The following THUMPD2 variants were observed in gnomAD, a reference collection of about 807,000 sequenced individuals.
THUMPD2 encodes the protein THUMP domain 2 tRNA and snRNA guanosine methyltransferase, also known as U6 snRNA (guanine-N(2))-methyltransferase THUMPD2.
In THUMPD2, 56 loss-of-function variants were observed where a neutral mutation model predicts 49.4. The observed-to-expected ratio is 1.13, with a 90% CI of 0.91 to 1.41. The LOEUF (loss-of-function observed/expected upper bound fraction) is 1.41. THUMPD2 is among the 40% of genes most tolerant of loss of function. THUMPD2 has a pLI of 0.00. For synonymous variants in THUMPD2, 237 were observed against 205.2 expected, an observed-to-expected ratio of 1.15 and a Z score of -1.32; for missense variants, 709 against 594.5, an observed-to-expected ratio of 1.19 and a Z score of -2.00.
At chr2:39,765,541 A>G (rs566826829) in intron 5 of THUMPD2, among the ~76,000 whole-genome samples, 153 of 152,244 alleles carry the variant, frequency 1.0e-3, no homozygotes, top group Non-Finnish European at 2.0e-3. Context: ...ATAAATTTAA[A>G]AAAATATACA....
At chr2:39,773,575 AT>A (rs374405747) in intron 1 of THUMPD2, among the ~76,000 whole-genome samples, 2 of 32,612 alleles carry the variant, frequency 6.1e-5, no homozygotes, top group African/African-American at 2.7e-4. Context: ...ATATATTTAT[AT>A]TTTAAAAATA....
intron 6 of THUMPD2, among the ~76,000 whole-genome samples, chr2:39,758,853 A>G (rs1676464625): frequency 6.6e-6 from 1 of 152,164 alleles, no homozygotes. Context: ...ATCGGAACAC[A>G]CACCCAGTAA....
intron 9 of THUMPD2, among the ~76,000 whole-genome samples, chr2:39,739,427 G>A (rs577854882): frequency 6.6e-6 from 1 of 152,244 alleles, no homozygotes; most frequent in African/African-American, 2.4e-5. Flanking sequence ...TCCCAGAGAG[G>A]CCTTTCCTGA....
At chr2:39,746,132 C>T (rs1449000058) in intron 8 of THUMPD2, among the ~76,000 whole-genome samples, 1 of 152,170 alleles carries the variant, frequency 6.6e-6, no homozygotes, top group African/African-American at 2.4e-5. Flanking sequence ...TATAATGTCC[C>T]TCTCTGATGT....
chr2:39,777,446 CA>C (rs2148366625), intron 1 of THUMPD2, among the ~76,000 whole-genome samples: 1 of 152,288 alleles, frequency 6.6e-6, no homozygotes, highest in African/African-American at 2.4e-5. Context: ...TAGAGAGACT[CA>C]GAGACAAGTC....
chr2:39,777,588 A>G (rs1679288378), intron 1 of THUMPD2, among the ~76,000 whole-genome samples: 1 of 152,216 alleles, frequency 6.6e-6, no homozygotes, highest in Admixed American at 6.5e-5. Context: ...AGTTGTCATC[A>G]CTGTTATTTC....
At chr2:39,763,112 G>C (rs571291117) in intron 5 of THUMPD2, among the ~76,000 whole-genome samples, 1 of 151,900 alleles carries the variant, frequency 6.6e-6, no homozygotes, top group African/African-American at 2.4e-5. Flanking sequence ...AGAGAACCTA[G>C]CTAATGTACA....
chr2:39,767,283 C>T (rs1319515553), intron 4 of THUMPD2, among the ~76,000 whole-genome samples: 1 of 152,022 alleles, frequency 6.6e-6, no homozygotes, highest in Non-Finnish European at 1.5e-5. Flanking sequence ...GAGATGGGGA[C>T]GAGAAAGCCA....
intron 1 of THUMPD2, among the ~76,000 whole-genome samples, chr2:39,775,831 C>T (rs1679019342): frequency 6.7e-6 from 1 of 149,644 alleles, no homozygotes; most frequent in Admixed American, 6.6e-5. Context: ...TTAAGGCAAC[C>T]TTATGCAATT....
At chr2:39,765,826 T>G (rs764627483) in intron 5 of THUMPD2, among the ~76,000 whole-genome samples, 29 of 152,214 alleles carry the variant, frequency 1.9e-4, no homozygotes, top group Admixed American at 2.0e-4. Flanking sequence ...GTATTAATCA[T>G]GTAATCAGTA....
intron 1 of THUMPD2, among the ~76,000 whole-genome samples, chr2:39,771,843 C>T (rs895572787): frequency 2.6e-5 from 4 of 152,106 alleles, no homozygotes; most frequent in African/African-American, 7.2e-5. Flanking sequence ...ATTCGATCAC[C>T]ACCAAAAGTA....
intron 5 of THUMPD2, among the ~76,000 whole-genome samples, chr2:39,762,016 A>C (rs942786721): frequency 3.9e-5 from 6 of 152,196 alleles, no homozygotes; most frequent in South Asian, 2.1e-4. Flanking sequence ...TTCACACTTT[A>C]TCCTCCACCT....
chr2:39,744,573 G>T, intron 8 of THUMPD2, 95 bp from the exon 9 acceptor site: 1 of 767,136 alleles, frequency 1.3e-6, no homozygotes, highest in Non-Finnish European at 2.0e-6. Flanking sequence ...TTATTTTTGC[G>T]TAACAGATTA....
chr2:39,761,421 A>G lies in THUMPD2; in HGVS notation c.804-3T>C. ...AAGCTCTGCTGGCTAGGGAAACCCTACAAAGGATAGAATCTGATTATATAT... is the reference window on the plus strand; with the variant it reads ...AAGCTCTGCTGGCTAGGGAAACCCTGCAAAGGATAGAATCTGATTATATAT... On this transcript the variant is annotated splice_polypyrimidine_tract_variant and splice_region_variant and intron_variant, in intron 5 of 9. Coordinates refer to ENST00000505747, the MANE Select transcript of THUMPD2 (RefSeq NM_025264.5). The G allele has an allele frequency of 6.2e-7, 1 of 1,613,194 alleles. No individual in the cohort carries two copies. The highest frequency in any genetic ancestry group is 2.2e-5 in the East Asian group (1 of 44,830).
At chr2:39,758,938 T>C (rs1027570609) in intron 6 of THUMPD2, among the ~76,000 whole-genome samples, 1 of 152,154 alleles carries the variant, frequency 6.6e-6, no homozygotes, top group African/African-American at 2.4e-5. Context: ...TACTCAAATG[T>C]GACACACATA....
At chr2:39,744,543 G>C (rs1674319370) in intron 8 of THUMPD2, 65 bp from the exon 9 acceptor site, 1 of 1,009,094 alleles carries the variant, frequency 9.9e-7, no homozygotes, top group South Asian at 1.7e-5. Context: ...TAAATAATGA[G>C]AAAATTGAAG....
chr2:39,747,332 G>C (rs953900645), intron 8 of THUMPD2, among the ~76,000 whole-genome samples: 2 of 152,088 alleles, frequency 1.3e-5, no homozygotes, highest in African/African-American at 4.8e-5. Flanking sequence ...TTTCTTTGAT[G>C]ATTACTATTC....
At chr2:39,754,020 G>A (rs1675777486) in intron 8 of THUMPD2, among the ~76,000 whole-genome samples, 1 of 152,002 alleles carries the variant, frequency 6.6e-6, no homozygotes, top group African/African-American at 2.4e-5. Flanking sequence ...TTTAGAAAAT[G>A]CCCCCTAAAG....
At chr2:39,768,330 T>C in intron 4 of THUMPD2, 94 bp downstream of exon 4, 2 of 1,071,754 alleles carry the variant, frequency 1.9e-6, no homozygotes, top group East Asian at 2.4e-5. Context: ...TTTTTATAAC[T>C]GTAAAATAAA....
Sources: allele counts gnomAD v4.1 joint callset (sites outside exome capture counted in the v4.1 genomes callset), GRCh38; gene constraint gnomAD v4.1.1; transcripts MANE v1.5; gene names NCBI Gene and HGNC (gene_info 2026-07-23, HGNC 2026-07-21).